The following MALRD1 variants were observed in gnomAD, a reference collection of about 807,000 sequenced individuals.
The protein encoded by MALRD1 is MAM and LDL-receptor class A domain-containing protein 1.
Under a neutral mutation model 242.1 loss-of-function variants are expected in MALRD1, and 247 were observed. The ratio of observed to expected loss-of-function variants is 1.02; its 90% CI spans 0.92 to 1.13. The LOEUF is 1.13. Among genes scored for constraint, MALRD1 ranks in the 50% most tolerant of loss-of-function variants. The pLI is 0.00. For synonymous variants in MALRD1, 995 were observed against 866.6 expected (o/e 1.15, Z -2.60); for missense variants, 2,989 against 2,533.1 (o/e 1.18, Z -3.86).
intron 24 of MALRD1, among the ~76,000 whole-genome samples, chr10:19,337,907 A>G (rs777860895): frequency 4.0e-4 from 61 of 151,854 alleles, no homozygotes; most frequent in Non-Finnish European, 7.5e-4. Flanking sequence ...CTAAAAATAC[A>G]AAAAATTAGC....
intron 10 of MALRD1, among the ~76,000 whole-genome samples, chr10:19,138,960 T>A (rs1833449184): frequency 6.6e-6 from 1 of 152,210 alleles, no homozygotes. Context: ...ACAAAAACAG[T>A]GTTACTTATT....
rs1462298030 is a variant in MALRD1, at chr10:19,630,651, C to T, written c.6137+14728C>T. Among the ~76,000 whole-genome samples the T allele has an allele frequency of 2.0e-5, 3 of 151,944 alleles. No individual in the cohort carries two copies. The East Asian group carries it at 5.8e-4, about 29-fold the overall frequency. ...GATATTATAAGAATTTTCTCCATAG[C>T]AATGTAAGTTATGATGTATTGTCTT... On this transcript the variant is annotated intron_variant, in intron 36 of 39. Transcript: ENST00000454679.
rs565733271 is a variant in MALRD1, at chr10:19,249,719, C to T, written c.2992-7965C>T. Among the ~76,000 whole-genome samples the T allele has an allele frequency of 2.0e-5, 3 of 151,896 alleles. No homozygotes were observed. The South Asian group carries it at 6.2e-4, about 31-fold the overall frequency. ...AGAAAATAGCCTTAGCTTGAGTGGT[C>T]AAGGAAGGCTTCTCTGAGAAAGTAA... On this transcript the variant is annotated intron_variant, in intron 18 of 39. Transcript: ENST00000454679.
chr10:19,556,615 A>G (rs1318034373), intron 32 of MALRD1, among the ~76,000 whole-genome samples: 2 of 152,146 alleles, frequency 1.3e-5, no homozygotes, highest in African/African-American at 4.8e-5. Flanking sequence ...TTATTGCAGA[A>G]TAAGATTCCA....
At chr10:19,547,820 T>TG (rs1564431955) in intron 32 of MALRD1, among the ~76,000 whole-genome samples, 1 of 15,824 alleles carries the variant, frequency 6.3e-5, no homozygotes, top group African/African-American at 1.6e-4. Flanking sequence ...ATATATATAT[T>TG]TTTTTTTTTT....
intron 28 of MALRD1, among the ~76,000 whole-genome samples, chr10:19,395,498 C>T (rs1226237007): frequency 2.6e-5 from 4 of 152,108 alleles, no homozygotes; most frequent in African/African-American, 9.7e-5. Flanking sequence ...ATTAGCCTTT[C>T]CAAGGGAGGC....
chr10:19,725,159 C>A (rs969704267), intron 38 of MALRD1, among the ~76,000 whole-genome samples: 2 of 152,138 alleles, frequency 1.3e-5, no homozygotes, highest in Admixed American at 1.3e-4. Flanking sequence ...TAAAGCAACT[C>A]ATATGGTTTG....
chr10:19,387,248 G>T lies in MALRD1; in HGVS notation c.4442-280G>T, dbSNP rs374314278. 2.7e-5 allele frequency among the ~76,000 whole-genome samples: 4 copies of T among 150,398 alleles called. No individual in the cohort carries two copies. In the South Asian group the frequency reaches 6.3e-4, roughly 24 times the overall value. ...TCCTTGAACACAGTTTACAAGGAAT[G>T]TTGCATTTGGGGAGATGGAGGGGTA... On this transcript the variant is annotated intron_variant, in intron 26 of 39. Transcript: ENST00000454679.
At chr10:19,685,980 G>T (rs903950419) in intron 36 of MALRD1, among the ~76,000 whole-genome samples, 8 of 152,242 alleles carry the variant, frequency 5.3e-5, no homozygotes, top group Admixed American at 5.2e-4. Context: ...AATTCTGTTA[G>T]CAATGGAGAG....
chr10:19,147,338 G>T (rs182594617), intron 11 of MALRD1, among the ~76,000 whole-genome samples: 6 of 152,290 alleles, frequency 3.9e-5, no homozygotes, highest in African/African-American at 1.2e-4. Context: ...AGTGCTAGGG[G>T]ATGGGGTGGG....
intron 28 of MALRD1, among the ~76,000 whole-genome samples, chr10:19,422,749 A>C (rs376932254): frequency 6.6e-6 from 1 of 151,746 alleles, no homozygotes; most frequent in Non-Finnish European, 1.5e-5. Flanking sequence ...CTGAGTTTTC[A>C]TTTCCCCCTC....
At chr10:19,571,952 C>T (rs1836568744) in intron 33 of MALRD1, among the ~76,000 whole-genome samples, 1 of 152,172 alleles carries the variant, frequency 6.6e-6, no homozygotes, top group African/African-American at 2.4e-5. Flanking sequence ...AAACTCTCAA[C>T]TTCATTTCAA....
At chr10:19,391,630 A>T (rs1005818975) in intron 28 of MALRD1, among the ~76,000 whole-genome samples, 1 of 152,024 alleles carries the variant, frequency 6.6e-6, no homozygotes, top group Non-Finnish European at 1.5e-5. Context: ...TTTTCCCTCC[A>T]CACCGAGTCG....
intron 26 of MALRD1, among the ~76,000 whole-genome samples, chr10:19,362,456 G>T (rs147411027): frequency 0.013 from 2,017 of 152,192 alleles, 34 homozygotes; most frequent in Middle Eastern, 0.031. Flanking sequence ...AATTTCATGG[G>T]AGGTTATTTG....
intron 18 of MALRD1, among the ~76,000 whole-genome samples, chr10:19,215,720 A>C (rs1837281593): frequency 8.7e-6 from 1 of 115,596 alleles, no homozygotes. Flanking sequence ...TGCTATAATA[A>C]ATTAGTATAA....
chr10:19,191,566 A>C (rs778744359), intron 14 of MALRD1, among the ~76,000 whole-genome samples: 2 of 152,218 alleles, frequency 1.3e-5, no homozygotes, highest in Non-Finnish European at 2.9e-5. Context: ...CATTATTCAC[A>C]ATAGCTAAAA....
chr10:19,163,295 C>G (rs930425827), intron 12 of MALRD1, among the ~76,000 whole-genome samples: 7 of 151,804 alleles, frequency 4.6e-5, no homozygotes, highest in African/African-American at 1.7e-4. Flanking sequence ...AAGAGTGGTA[C>G]ATATGTACTG....
At position 19,331,548 on chromosome 10, in the gene MALRD1, T is replaced by A; in HGVS notation, c.3867T>A (p.Cys1289Ter). 1 of 1,550,292 alleles carries A rather than the reference T, an allele frequency of 6.5e-7. No homozygotes were observed. The part of the protein sequence containing the change: ...KDKLCDFVND[C>*]ADNSDETTFI... ...AGCTGTGTGATTTTGTGAATGATTG[T>A]GCTGATAATTCAGATGAGACTACTT... is the stretch of plus-strand genomic sequence containing the variant. Residue 1289 changes from cysteine to a stop codon, truncating the protein, a stop_gained, in exon 24 of 40, where the codon TGT (cysteine) becomes TGA (stop). Coordinates refer to ENST00000454679, the MANE Select transcript of MALRD1 (RefSeq NM_001142308.3). LOFTEE classifies it high-confidence loss of function.
intron 13 of MALRD1, 96 bp from the exon 14 acceptor site, chr10:19,175,112 C>T: frequency 1.2e-6 from 1 of 854,210 alleles, no homozygotes; most frequent in Non-Finnish European, 1.5e-6. Context: ...GAGAATGGGA[C>T]AGATGTAAAT....
Sources: allele counts gnomAD v4.1 joint callset (sites outside exome capture counted in the v4.1 genomes callset), GRCh38; gene constraint gnomAD v4.1.1; transcripts MANE v1.5; gene names NCBI Gene and HGNC (gene_info 2026-07-23, HGNC 2026-07-21).